CRB2: variants seen among roughly 807,000 people sequenced by gnomAD.
CRB2 encodes the protein protein crumbs homolog 2.
CRB2 carries 85 observed loss-of-function variants against 110.9 expected under a neutral mutation model. That is an observed-to-expected ratio of 0.77 (90% CI 0.64 to 0.92). The LOEUF (loss-of-function observed/expected upper bound fraction) is 0.92. CRB2 is among the 40% of genes least tolerant of loss of function. The pLI is 0.00. For synonymous variants in CRB2, 907 were observed against 831.0 expected (o/e 1.09, Z -1.57); for missense variants, 1,843 against 1,851.3 (o/e 1.00, Z 0.08).
At chr9:123,356,493 C>G in intron 1 of CRB2, 139 bp downstream of exon 1, 1 of 447,346 alleles carries the variant, frequency 2.2e-6, no homozygotes, top group Non-Finnish European at 3.7e-6. Flanking sequence ...CACAGGAGTG[C>G]GCGGCTGTGG....
At chr9:123,359,268 C>G (rs1208857222) in intron 1 of CRB2, among the ~76,000 whole-genome samples, 1 of 151,894 alleles carries the variant, frequency 6.6e-6, no homozygotes, top group Non-Finnish European at 1.5e-5. Context: ...TAGGGTAGAG[C>G]CTTGGGGCCC....
At chr9:123,364,545 A>C (rs2041908216) in intron 2 of CRB2, among the ~76,000 whole-genome samples, 1 of 142,878 alleles carries the variant, frequency 7.0e-6, no homozygotes, top group African/African-American at 2.5e-5. Context: ...CCCCTGGCAC[A>C]GAGGGTGGGA....
chr9:123,368,469 C>T (rs866615715), intron 6 of CRB2, among the ~76,000 whole-genome samples: 6 of 152,252 alleles, frequency 3.9e-5, no homozygotes, highest in African/African-American at 1.4e-4. Context: ...ACACAGTGGG[C>T]CCACACAGCA....
At chr9:123,368,659 G>A in intron 6 of CRB2, 1 of 484,276 alleles carries the variant, frequency 2.1e-6, no homozygotes, top group Non-Finnish European at 2.8e-6. Flanking sequence ...TTGGGTGACA[G>A]GGAGGGCAGA....
chr9:123,367,382 C>T (rs995438840), intron 5 of CRB2, 25 bp downstream of exon 5: 1 of 1,589,144 alleles, frequency 6.3e-7, no homozygotes. Context: ...GGGAAGCGGT[C>T]AGCCCATGTC....
rs1278651120 is a variant in CRB2 at position 123,366,274 on chromosome 9, A to G, written c.662A>G (p.Glu221Gly). ...ACCGGCTACGAGGGCACGCACTGCG[A>G]GCGGGAGGTGCTGGAGTGCGCATCG... The part of the protein sequence containing the change: ...AGTGYEGTHC[E>G]REVLECASAP... Residue 221 changes from glutamate to glycine, a missense_variant, in exon 4 of 13, where the codon GAG (glutamate) becomes GGG (glycine). Physicochemically the swap from Glu to Gly is moderately conservative, Grantham distance 98. Transcript: ENST00000373631. 1.3e-6 allele frequency: 2 copies of G among 1,510,588 alleles called. No individual in the cohort carries two copies. Among genetic ancestry groups the G allele is most frequent in the South Asian group, 2.5e-5 (2 of 80,368 alleles). 93.6% of individuals were successfully genotyped at this position (1,510,588 alleles called of 1,614,324 possible). A position where few individuals can be genotyped will look rare whatever the true frequency, so the allele number is the denominator to read the frequency against.
intron 12 of CRB2, among the ~76,000 whole-genome samples, chr9:123,376,533 G>A (rs917322606): frequency 2.0e-5 from 3 of 152,128 alleles, no homozygotes; most frequent in Non-Finnish European, 4.4e-5. Context: ...TGAGACCCTC[G>A]TAGGCTTCTG....
chr9:123,367,177 A>G lies in CRB2; in HGVS notation c.760A>G (p.Ser254Gly), dbSNP rs2041944987. The G allele has an allele frequency of 6.3e-7, 1 of 1,587,216 alleles. No individual in the cohort carries two copies. Among genetic ancestry groups the G allele is most frequent in the Non-Finnish European group, 8.5e-7 (1 of 1,172,626 alleles). Residue 254 changes from serine (S) to glycine (G), a missense_variant, in exon 5 of 13, where the codon AGC becomes GGC. Coordinates refer to ENST00000373631, the MANE Select transcript of CRB2 (RefSeq NM_173689.7). ...SFRCLCWPGY[S>G]GELCEVDEDE... ...CCGCGTGTGTGTGCCCCCAGGCTAC[A>G]GCGGCGAGCTGTGCGAGGTGGACGA...
chr9:123,379,337 G>A (rs760656863), downstream of CRB2, among the ~76,000 whole-genome samples: 1 of 152,206 alleles, frequency 6.6e-6, no homozygotes, highest in African/African-American at 2.4e-5. Flanking sequence ...GGGGCGACTT[G>A]CCAGGTGTCC....
chr9:123,370,978 A>G lies in CRB2; in HGVS notation c.1925A>G (p.Asp642Gly). The change falls in exon 7 of 13, where the codon GAT becomes GGT. Residue 642 changes from aspartate to glycine, a missense_variant and splice_region_variant. Physicochemically the swap from Asp to Gly is moderately conservative, Grantham distance 94. Transcript: ENST00000373631. ...ARPHRGPTCA[D>G]EIPAATFGLG... The stretch of plus-strand genomic sequence containing the variant: ...CCCCATAGAGGTCCCACGTGCGCTG[A>G]TGGTGAGGAATAAGCCAGGTGGGAA... 3 of 1,601,460 alleles carry G rather than the reference A, an allele frequency of 1.9e-6. No individual in the cohort carries two copies. Among genetic ancestry groups the G allele is most frequent in the Non-Finnish European group, 2.6e-6 (3 of 1,172,132 alleles).
chr9:123,379,167 G>C (rs989045267), downstream of CRB2, among the ~76,000 whole-genome samples: 1 of 152,090 alleles, frequency 6.6e-6, no homozygotes, highest in Non-Finnish European at 1.5e-5. Context: ...ATGGTCAGAT[G>C]ATGGGCGAGT....
intron 2 of CRB2, among the ~76,000 whole-genome samples, chr9:123,364,497 G>A (rs1314914363): frequency 6.6e-6 from 1 of 152,176 alleles, no homozygotes; most frequent in Non-Finnish European, 1.5e-5. Context: ...TTCCAAGCCG[G>A]GTGGGGGAGT....
chr9:123,363,984 T>C (rs1406894820), intron 2 of CRB2, among the ~76,000 whole-genome samples: 1 of 151,802 alleles, frequency 6.6e-6, no homozygotes, highest in East Asian at 1.9e-4. Flanking sequence ...CTCTGGATCC[T>C]ACTTCAATCC....
chr9:123,374,442 C>T lies in CRB2; in HGVS notation c.3390-137C>T, dbSNP rs1035774558. 5.9e-6 allele frequency: 4 copies of T among 677,600 alleles called. No homozygotes were observed. In the African/African-American group the frequency reaches 7.1e-5, roughly 12 times the overall value. The allele number at this position is 677,600 out of a possible 1,614,324, so 42.0% of individuals were successfully genotyped here. ...GTGTCCCTTCCCTCCCATCAGGGAC[C>T]TCAATCCCATGCCCAATAGAGGAAG... On this transcript the variant is annotated intron_variant, in intron 10 of 12. Transcript: ENST00000373631.
chr9:123,367,932 AG>A (rs2041961324), intron 6 of CRB2, among the ~76,000 whole-genome samples: 1 of 151,600 alleles, frequency 6.6e-6, no homozygotes, highest in South Asian at 2.1e-4. Flanking sequence ...GAACGTGTGG[AG>A]GGATGGTCTT....
At position 123,366,311 on chromosome 9, in the gene CRB2, G is replaced by T; in HGVS notation, c.699G>T (p.Glu233Asp). Residue 233 changes from glutamate (E) to aspartate (D), a missense_variant, in exon 4 of 13, where the codon GAG (glutamate) becomes GAT (aspartate). By Grantham distance (45) the Glu-to-Asp change is conservative. Transcript: ENST00000373631. Reference sequence around the variant, plus strand: ...TGGAGTGCGCATCGGCGCCCTGCGAGCACAACGCGTCCTGCCTCGAGGGCC... The same window carrying T: ...TGGAGTGCGCATCGGCGCCCTGCGATCACAACGCGTCCTGCCTCGAGGGCC... ...EVLECASAPC[E>D]HNASCLEGLG... 6.5e-7 allele frequency: 1 copy of T among 1,534,944 alleles called. No homozygotes were observed. The highest frequency in any genetic ancestry group is 8.7e-7 in the Non-Finnish European group (1 of 1,153,716).
intron 2 of CRB2, among the ~76,000 whole-genome samples, chr9:123,363,486 T>C (rs1339638138): frequency 6.6e-6 from 1 of 152,158 alleles, no homozygotes; most frequent in Non-Finnish European, 1.5e-5. Flanking sequence ...CCCTCATTCA[T>C]CTCTGGCAGT....
chr9:123,361,805 G>A (rs2041871912), intron 1 of CRB2, among the ~76,000 whole-genome samples: 3 of 152,198 alleles, frequency 2.0e-5, no homozygotes, highest in Admixed American at 1.3e-4. Flanking sequence ...CTTACCCAGG[G>A]TCTCATAGCT....
chr9:123,374,796 C>T (rs890368329), intron 11 of CRB2, 101 bp downstream of exon 11: 3 of 739,158 alleles, frequency 4.1e-6, no homozygotes, highest in African/African-American at 3.5e-5. Flanking sequence ...CTTCTCACCC[C>T]TCCCTGGTAT....
Sources: gnomAD v4.1 joint callset for allele counts (sites outside exome capture counted in the v4.1 genomes callset) on GRCh38, gnomAD v4.1.1 for gene constraint, MANE v1.5 for transcripts, NCBI Gene and HGNC (gene_info 2026-07-23, HGNC 2026-07-21) for gene names.